CTNND1: variants seen among roughly 807,000 people sequenced by gnomAD.
The protein encoded by CTNND1 is catenin delta-1.
A neutral mutation model predicts 112.1 loss-of-function variants in CTNND1; 16 were observed. The observed-to-expected ratio is 0.14, with a 90% confidence interval of 0.10 to 0.22. The LOEUF (loss-of-function observed/expected upper bound fraction) is 0.22. Ranked by LOEUF, CTNND1 falls within the 10% of genes least tolerant of loss-of-function variation. The pLI is 1.00. For missense variants in CTNND1, 1,008 were observed against 1,257.0 expected, an observed-to-expected ratio of 0.80 and a Z score of 3.00; for synonymous variants, 420 against 446.5, an observed-to-expected ratio of 0.94 and a Z score of 0.75.
intron 6 of CTNND1, among the ~76,000 whole-genome samples, chr11:57,798,535 T>G (rs1303551846): frequency 2.0e-5 from 3 of 152,112 alleles, no homozygotes; most frequent in African/African-American, 7.2e-5. Flanking sequence ...ATTATTTGAT[T>G]GTAAAGTGAA....
rs2064075033 is a variant in CTNND1 at position 57,818,195 on chromosome 11, G to C, written c.*1887G>C. On this transcript the variant is annotated 3_prime_UTR_variant, in exon 21 of 21. Transcript: ENST00000399050. ...TGTCCTCTTCTGCTCTTTTCCTGGT[G>C]CTCTTTTTTCTCGGTGGGGTGTGGG... The C allele has an allele frequency of 6.6e-6, 1 of 151,820 alleles. No individual in the cohort carries two copies. The highest frequency in any genetic ancestry group is 1.5e-5 in the Non-Finnish European group (1 of 67,950). The allele number at this position is 151,820 out of a possible 1,614,324, so 9.4% of individuals were successfully genotyped here.
intron 6 of CTNND1, among the ~76,000 whole-genome samples, chr11:57,799,979 G>GTTTTTTTTTTTTT (rs1157141511): frequency 1.7e-5 from 1 of 58,834 alleles, no homozygotes; most frequent in Non-Finnish European, 3.1e-5. Context: ...TTGTTTCCGT[G>GTTTTTTTTTTTTT]TTTTTTTTTT....
chr11:57,799,979 G>GTT (rs1157141511), intron 6 of CTNND1, among the ~76,000 whole-genome samples: 8,803 of 58,884 alleles, frequency 0.15, 2,207 homozygotes, highest in Non-Finnish European at 0.2. Flanking sequence ...TTGTTTCCGT[G>GTT]TTTTTTTTTT....
intron 6 of CTNND1, among the ~76,000 whole-genome samples, chr11:57,801,491 G>T (rs1423418169): frequency 6.6e-6 from 1 of 152,154 alleles, no homozygotes; most frequent in Non-Finnish European, 1.5e-5. Flanking sequence ...TTCTAAGCCT[G>T]CAGACTTCAA....
intron 1 of CTNND1, among the ~76,000 whole-genome samples, chr11:57,780,430 T>A (rs1482096723): frequency 6.6e-6 from 1 of 152,124 alleles, no homozygotes; most frequent in Admixed American, 6.5e-5. Context: ...AGCATGGACT[T>A]GGAATAAAAT....
chr11:57,796,527 C>T lies in CTNND1; in HGVS notation c.491C>T (p.Pro164Leu), dbSNP rs2061383307. The T allele has an allele frequency of 1.2e-6, 2 of 1,613,890 alleles. No individual in the cohort carries two copies. Among genetic ancestry groups the T allele is most frequent in the South Asian group, 2.2e-5 (2 of 91,086 alleles). The part of the protein sequence containing the change: ...QPVAMGPDGL[P>L]VDASSVSNNY... ...GTCGCTATGGGACCAGACGGGTTGCCTGTGGATGCTTCATCAGTTTCTAAC... is the reference window on the plus strand; with the variant it reads ...GTCGCTATGGGACCAGACGGGTTGCTTGTGGATGCTTCATCAGTTTCTAAC... The change falls in exon 6 of 21, where the codon CCT (proline) becomes CTT (leucine). Residue 164 changes from proline to leucine, a missense_variant. Coordinates refer to ENST00000399050, the MANE Select transcript of CTNND1 (RefSeq NM_001085458.2).
rs745445726 is a variant in CTNND1, at chr11:57,791,631, C to T, written c.153C>T (p.Ala51=). Residue 51 remains alanine (A), a synonymous_variant, in exon 3 of 21, where the codon GCC becomes GCT. Transcript: ENST00000399050. ...LERVRVSPQD[A]NPLMANGTLT... is the part of the protein sequence containing the mutation. Reference sequence around the variant, plus strand: ...GCGTCCGGGTCTCACCACAAGATGCCAACCCACTCATGGCCAACGGCACAC... The same window carrying T: ...GCGTCCGGGTCTCACCACAAGATGCTAACCCACTCATGGCCAACGGCACAC... The T allele has an allele frequency of 5.6e-6, 9 of 1,597,912 alleles. No individual in the cohort carries two copies. The South Asian group carries it at 1.0e-4, about 18-fold the overall frequency.
chr11:57,776,904 T>C (rs1371226174), intron 1 of CTNND1, among the ~76,000 whole-genome samples: 2 of 152,220 alleles, frequency 1.3e-5, no homozygotes, highest in Non-Finnish European at 2.9e-5. Context: ...CAACTTTTTT[T>C]TTGGTATCTC....
intron 18 of CTNND1, 50 bp from the exon 19 acceptor site, chr11:57,815,344 A>T: frequency 9.0e-7 from 1 of 1,115,540 alleles, no homozygotes; most frequent in Non-Finnish European, 1.3e-6. Context: ...TATACGTTTT[A>T]CACTAGAGGG....
chr11:57,802,274 C>T (rs1307344586), intron 7 of CTNND1, 78 bp downstream of exon 7: 5 of 1,287,544 alleles, frequency 3.9e-6, no homozygotes, highest in African/African-American at 3.0e-5. Flanking sequence ...GATTTCCAGA[C>T]CTTTTACTTT....
Position 57,815,994 on chromosome 11 carries a change from C to A in CTNND1, c.2888C>A (p.Pro963His). 1 of 1,583,448 alleles carries A rather than the reference C, an allele frequency of 6.3e-7. No homozygotes were observed. The highest frequency in any genetic ancestry group is 2.2e-5 in the East Asian group (1 of 44,638). The change falls in exon 20 of 21, where the codon CCC becomes CAC. Residue 963 changes from proline to histidine, a missense_variant. Physicochemically the swap from Pro to His is moderately conservative, Grantham distance 77. Transcript: ENST00000399050. ...GATGAGGGGGGCCAAGTGTCTTACC[C>A]CTCCATGGTATGTCCTTCAGTCACC... ...LDDEGGQVSY[P>H]SMQKI is the part of the protein sequence containing the mutation.
chr11:57,764,630 A>G (rs1020371949), intron 1 of CTNND1, among the ~76,000 whole-genome samples: 1 of 151,432 alleles, frequency 6.6e-6, no homozygotes, highest in African/African-American at 2.4e-5. Flanking sequence ...TTAATTTCCC[A>G]CCACTGGTTT....
chr11:57,814,441 C>A, intron 18 of CTNND1, 68 bp downstream of exon 18: 1 of 1,255,690 alleles, frequency 8.0e-7, no homozygotes, highest in South Asian at 1.3e-5. Flanking sequence ...CTGTCTAGCT[C>A]TATAGTTTTT....
Position 57,804,454 on chromosome 11 carries a change from A to G in CTNND1, c.1605-209A>G, listed in dbSNP as rs564303093. Among the ~76,000 whole-genome samples the G allele has an allele frequency of 2.6e-5, 4 of 152,322 alleles. No homozygotes were observed. In the South Asian group the frequency reaches 8.3e-4, roughly 32 times the overall value. ...TCTTGAATTACTGCATCTGGTACAT[A>G]TCATTAATCCCTACCCCACAGTGAT... On this transcript the variant is annotated intron_variant, in intron 8 of 20. Coordinates refer to ENST00000399050, the MANE Select transcript of CTNND1 (RefSeq NM_001085458.2).
chr11:57,773,532 A>C (rs1591214013), intron 1 of CTNND1, among the ~76,000 whole-genome samples: 1 of 149,052 alleles, frequency 6.7e-6, no homozygotes, highest in African/African-American at 2.5e-5. Flanking sequence ...GCTCACTGCA[A>C]CCTCCACCTC....
intron 12 of CTNND1, among the ~76,000 whole-genome samples, chr11:57,807,547 A>T (rs747290225): frequency 6.4e-5 from 9 of 140,302 alleles, no homozygotes; most frequent in Non-Finnish European, 1.4e-4. Flanking sequence ...CGGAGGTTGC[A>T]GTGAGCCAAG....
intron 6 of CTNND1, among the ~76,000 whole-genome samples, chr11:57,799,330 A>T (rs2061723791): frequency 6.6e-6 from 1 of 152,156 alleles, no homozygotes; most frequent in African/African-American, 2.4e-5. Flanking sequence ...GTAAAGAGTG[A>T]TTGGACCCAG....
chr11:57,795,866 A>G (rs1229741622), intron 5 of CTNND1, 137 bp downstream of exon 5: 6 of 973,234 alleles, frequency 6.2e-6, no homozygotes, highest in Non-Finnish European at 7.2e-6. Context: ...ATCTCTGGCC[A>G]GATAGAAAGG....
At chr11:57,805,439 C>T (rs1186218857) in intron 9 of CTNND1, among the ~76,000 whole-genome samples, 1 of 152,034 alleles carries the variant, frequency 6.6e-6, no homozygotes, top group Non-Finnish European at 1.5e-5. Flanking sequence ...GACAGGGTTT[C>T]ACCAGGTTGG....
Sources: gnomAD v4.1 joint callset for allele counts (sites outside exome capture counted in the v4.1 genomes callset) on GRCh38, gnomAD v4.1.1 for gene constraint, MANE v1.5 for transcripts, NCBI Gene and HGNC (gene_info 2026-07-23, HGNC 2026-07-21) for gene names.